The following ANP32A variants were observed in gnomAD, a reference collection of about 807,000 sequenced individuals.
The protein encoded by ANP32A is acidic leucine-rich nuclear phosphoprotein 32 family member A.
In ANP32A, 1 loss-of-function variant was observed where a neutral mutation model predicts 33.9. That is an observed-to-expected ratio of 0.03 (90% CI 0.01 to 0.14). The LOEUF (loss-of-function observed/expected upper bound fraction) is 0.14, where lower values mean the gene tolerates loss of function less well. ANP32A is among the 10% of genes least tolerant of loss of function. The pLI is 1.00. For missense variants in ANP32A, 155 were observed against 306.0 expected (o/e 0.51, Z 3.68); for synonymous variants, 115 against 120.5 (o/e 0.95, Z 0.30).
chr15:68,810,649 A>G lies in ANP32A; in HGVS notation c.54+10049T>C, dbSNP rs562753522. On this transcript the variant is annotated intron_variant, in intron 1 of 6. Coordinates refer to ENST00000465139, the MANE Select transcript of ANP32A (RefSeq NM_006305.4). ...TAAGAATGCCCAGCGCCCAAGTTTG[A>G]CTAAGTCAATACTTCATGGCTAAAC... 7.2e-5 allele frequency among the ~76,000 whole-genome samples: 11 copies of G among 152,332 alleles called. No individual in the cohort carries two copies. In the South Asian group the frequency reaches 2.3e-3, roughly 32 times the overall value.
At chr15:68,792,401 A>T (rs553249775) in intron 1 of ANP32A, among the ~76,000 whole-genome samples, 1 of 152,294 alleles carries the variant, frequency 6.6e-6, no homozygotes, top group East Asian at 1.9e-4. Context: ...TCATATTCAT[A>T]AGAGAGGTCA....
chr15:68,813,757 A>T (rs1411022500), intron 1 of ANP32A, among the ~76,000 whole-genome samples: 1 of 152,066 alleles, frequency 6.6e-6, no homozygotes, highest in African/African-American at 2.4e-5. Context: ...GGCCACGTTC[A>T]TTGGGCCAGG....
chr15:68,808,292 G>A (rs1894265646), intron 1 of ANP32A, among the ~76,000 whole-genome samples: 1 of 152,166 alleles, frequency 6.6e-6, no homozygotes, highest in East Asian at 1.9e-4. Flanking sequence ...CCTGGGTATT[G>A]CTTCAGATGC....
chr15:68,782,693 G>A (rs910736923), intron 5 of ANP32A: 2 of 509,114 alleles, frequency 3.9e-6, no homozygotes, highest in African/African-American at 1.9e-5. Context: ...TAGAAACAAC[G>A]GCCAGGCTTA....
intron 1 of ANP32A, among the ~76,000 whole-genome samples, chr15:68,800,116 C>A (rs926157742): frequency 6.6e-6 from 1 of 152,130 alleles, no homozygotes; most frequent in Non-Finnish European, 1.5e-5. Flanking sequence ...ATAAAGAGTG[C>A]TGGATGCTTA....
chr15:68,817,554 T>C (rs937723537), intron 1 of ANP32A: 1 of 152,358 alleles, frequency 6.6e-6, no homozygotes. Flanking sequence ...CCTTACTCTA[T>C]CACTTCCGCC....
At chr15:68,818,839 C>T (rs1035005535) in intron 1 of ANP32A, among the ~76,000 whole-genome samples, 1 of 151,934 alleles carries the variant, frequency 6.6e-6, no homozygotes, top group Non-Finnish European at 1.5e-5. Flanking sequence ...TCCCCCATCA[C>T]CACACCCAGC....
chr15:68,807,476 T>G (rs1357991778), intron 1 of ANP32A, among the ~76,000 whole-genome samples: 13 of 90,682 alleles, frequency 1.4e-4, no homozygotes. Context: ...GCCCCTCCCC[T>G]CCGCTTCACA....
In ANP32A at chr15:68,781,307, G is replaced by A. The variant is rs1438815747; in HGVS notation, c.625-834C>T. 2.0e-5 allele frequency: 3 copies of A among 151,848 alleles called. No homozygotes were observed. In the East Asian group the frequency reaches 5.8e-4, roughly 29 times the overall value. The allele number at this position is 151,848 out of a possible 1,614,324, so 9.4% of individuals were successfully genotyped here. A position where few individuals can be genotyped will look rare whatever the true frequency, so the allele number is the denominator to read the frequency against. ...ATGTATAAGCTCTCCTTTACTGAAA[G>A]CTGGAAATATGCAGATGGTCAGTGA... On this transcript the variant is annotated intron_variant, in intron 5 of 6. Transcript: ENST00000465139.
chr15:68,801,670 ATGTT>A (rs1055533055), intron 1 of ANP32A, among the ~76,000 whole-genome samples: 1 of 152,180 alleles, frequency 6.6e-6, no homozygotes, highest in African/African-American at 2.4e-5. Context: ...CTTTCAATAA[ATGTT>A]TGCAGAACTG....
chr15:68,785,158 C>A (rs1177909415), intron 3 of ANP32A, among the ~76,000 whole-genome samples: 1 of 152,184 alleles, frequency 6.6e-6, no homozygotes, highest in African/African-American at 2.4e-5. Flanking sequence ...TTTGGTAATT[C>A]ATCAGGCAGC....
At chr15:68,801,045 G>A (rs1024042290) in intron 1 of ANP32A, among the ~76,000 whole-genome samples, 1 of 152,062 alleles carries the variant, frequency 6.6e-6, no homozygotes, top group African/African-American at 2.4e-5. Flanking sequence ...GAAGGCTGCT[G>A]TAGGTTACAC....
intron 1 of ANP32A, among the ~76,000 whole-genome samples, chr15:68,812,184 G>A (rs879317976): frequency 1.3e-5 from 2 of 152,216 alleles, no homozygotes; most frequent in Non-Finnish European, 2.9e-5. Flanking sequence ...GACAAAAAGG[G>A]AAGGTGCCCT....
chr15:68,787,361 A>G, intron 3 of ANP32A, 52 bp downstream of exon 3: 2 of 1,612,526 alleles, frequency 1.2e-6, no homozygotes. Flanking sequence ...TGCTGATGCC[A>G]ATTCCTCCCA....
At chr15:68,815,525 A>G (rs1042793933) in intron 1 of ANP32A, among the ~76,000 whole-genome samples, 2 of 152,220 alleles carry the variant, frequency 1.3e-5, no homozygotes, top group Non-Finnish European at 2.9e-5. Context: ...ATTGACTGCA[A>G]CGTTTATATG....
In ANP32A at chr15:68,809,399, C is replaced by T. The variant is rs542773049; in HGVS notation, c.54+11299G>A. ...GAGCAATTAATTAGAACAGTAGTCTCTTATGTGGACTGCCCAAGCCAATCC... is the reference window on the plus strand; with the variant it reads ...GAGCAATTAATTAGAACAGTAGTCTTTTATGTGGACTGCCCAAGCCAATCC... On this transcript the variant is annotated intron_variant, in intron 1 of 6. Coordinates refer to ENST00000465139, the MANE Select transcript of ANP32A (RefSeq NM_006305.4). 4.4e-4 allele frequency among the ~76,000 whole-genome samples: 67 copies of T among 152,294 alleles called. 1 individual carries two copies. The highest frequency in any genetic ancestry group is 1.6e-3 in the African/African-American group (65 of 41,560).
At chr15:68,819,509 C>T (rs898717796) in intron 1 of ANP32A, among the ~76,000 whole-genome samples, 1 of 152,266 alleles carries the variant, frequency 6.6e-6, no homozygotes, top group African/African-American at 2.4e-5. Context: ...AACTCCCATC[C>T]TAGAGCTGCG....
chr15:68,806,417 G>A (rs1459982785), intron 1 of ANP32A, among the ~76,000 whole-genome samples: 1 of 152,152 alleles, frequency 6.6e-6, no homozygotes, highest in Non-Finnish European at 1.5e-5. Flanking sequence ...TGCCTGCCCT[G>A]AATGAAGTAC....
Position 68,788,014 on chromosome 15 carries a change from C to T in ANP32A, c.55-95G>A, listed in dbSNP as rs775934621. 7.0e-5 allele frequency: 102 copies of T among 1,461,196 alleles called. No individual in the cohort carries two copies. In the East Asian group the frequency reaches 7.5e-4, roughly 11 times the overall value. The allele number at this position is 1,461,196 out of a possible 1,614,324, so 90.5% of individuals were successfully genotyped here. ...ACTCCTCAGAGAACAGGGAGACAGA[C>T]GCAGGAAGCAGTCAGTCACTCCGTC... On this transcript the variant is annotated intron_variant, in intron 1 of 6. Transcript: ENST00000465139.
Sources: allele counts gnomAD v4.1 joint callset (sites outside exome capture counted in the v4.1 genomes callset), GRCh38; gene constraint gnomAD v4.1.1; transcripts MANE v1.5; gene names NCBI Gene and HGNC (gene_info 2026-07-23, HGNC 2026-07-21).